KAZN: variants seen among roughly 807,000 people sequenced by gnomAD.
KAZN encodes kazrin, periplakin interacting protein, also known as kazrin.
A neutral mutation model predicts 87.4 loss-of-function variants in KAZN; 40 were observed. The observed-to-expected ratio is 0.46, with a 90% CI of 0.36 to 0.60. The LOEUF (loss-of-function observed/expected upper bound fraction) is 0.60, where lower values mean the gene tolerates loss of function less well. Among genes scored for constraint, KAZN ranks in the 20% least tolerant of loss-of-function variants. The pLI, the probability that KAZN is intolerant of heterozygous loss-of-function variation, is 0.00. For synonymous variants in KAZN, 466 were observed against 458.3 expected, an observed-to-expected ratio of 1.02 and a Z score of -0.22; for missense variants, 898 against 1,073.9, an observed-to-expected ratio of 0.84 and a Z score of 2.29.
chr1:14,666,986 G>A (rs376344880), intron 1 of KAZN, among the ~76,000 whole-genome samples: 63 of 152,192 alleles, frequency 4.1e-4, no homozygotes, highest in African/African-American at 1.4e-3. Context: ...CGCCCACTTC[G>A]GCCTCCCAAC....
chr1:14,929,159 C>T (rs936198116), intron 1 of KAZN, among the ~76,000 whole-genome samples: 1 of 152,254 alleles, frequency 6.6e-6, no homozygotes. Flanking sequence ...CCCTGTGGGG[C>T]CTGATGCTAC....
At chr1:14,047,144 A>G (rs1343373126) in intron 1 of KAZN, among the ~76,000 whole-genome samples, 1 of 152,204 alleles carries the variant, frequency 6.6e-6, no homozygotes, top group African/African-American at 2.4e-5. Context: ...CTCTTTGTTT[A>G]GAAGCGGAAC....
At chr1:14,779,866 T>C (rs1434101141) in intron 1 of KAZN, among the ~76,000 whole-genome samples, 1 of 152,198 alleles carries the variant, frequency 6.6e-6, no homozygotes, top group Non-Finnish European at 1.5e-5. Flanking sequence ...TTGACTCCCG[T>C]TTAAGAAATA....
At chr1:14,363,803 C>T (rs1034408555) in intron 2 of KAZN, among the ~76,000 whole-genome samples, 4 of 152,146 alleles carry the variant, frequency 2.6e-5, no homozygotes, top group Non-Finnish European at 4.4e-5. Context: ...AAGTTTGTTA[C>T]CCCCTGCTCT....
At chr1:14,398,949 C>T (rs1323483241) in intron 2 of KAZN, among the ~76,000 whole-genome samples, 1 of 152,110 alleles carries the variant, frequency 6.6e-6, no homozygotes, top group African/African-American at 2.4e-5. Flanking sequence ...CCTCAACTGC[C>T]ACCGATCCCC....
chr1:14,755,604 G>T (rs1364042063), intron 1 of KAZN, among the ~76,000 whole-genome samples: 2 of 152,158 alleles, frequency 1.3e-5, no homozygotes, highest in Non-Finnish European at 2.9e-5. Flanking sequence ...AAAATGAGAT[G>T]CAGGCTCTGG....
At chr1:15,033,493 A>G (rs1671943971) in intron 2 of KAZN, among the ~76,000 whole-genome samples, 1 of 152,230 alleles carries the variant, frequency 6.6e-6, no homozygotes, top group Admixed American at 6.5e-5. Flanking sequence ...AGGAGCTATC[A>G]GACTTTTCCA....
rs150687913 is a variant in KAZN at position 14,399,564 on chromosome 1, T to C, written c.250-199419T>C. On this transcript the variant is annotated intron_variant, in intron 2 of 16. Coordinates refer to the KAZN transcript ENST00000636203. ...TTAGGACCAATCCCAAGCTTTGAGA[T>C]GGGCTCACGAGTCACCTGGGGGCGT... 7.5e-3 allele frequency among the ~76,000 whole-genome samples: 1,136 copies of C among 152,232 alleles called. 12 individuals are homozygous for C. The highest frequency in any genetic ancestry group is 0.025 in the African/African-American group (1,047 of 41,526).
intron 1 of KAZN, among the ~76,000 whole-genome samples, chr1:14,016,261 C>T (rs1469395745): frequency 1.3e-5 from 2 of 152,186 alleles, no homozygotes; most frequent in African/African-American, 4.8e-5. Context: ...ACACTTTGCA[C>T]ACATTCCGTG....
At chr1:14,910,311 G>C (rs1159216112) in intron 1 of KAZN, among the ~76,000 whole-genome samples, 1 of 152,178 alleles carries the variant, frequency 6.6e-6, no homozygotes, top group Non-Finnish European at 1.5e-5. Flanking sequence ...GATGTGCAGG[G>C]CTGGGCCTTC....
chr1:14,254,656 C>G (rs1571152224), intron 2 of KAZN, among the ~76,000 whole-genome samples: 1 of 152,028 alleles, frequency 6.6e-6, no homozygotes, highest in East Asian at 1.9e-4. Context: ...AGGGGACTTG[C>G]AGGCTAGGTC....
In KAZN at chr1:14,292,371, G is replaced by T. The variant is rs115607858; in HGVS notation, c.249+111779G>T. On this transcript the variant is annotated intron_variant, in intron 2 of 16. Transcript: ENST00000636203. ...GTGGTCCCCTGGAGGGGGGCCTCTG[G>T]AAAAATCGCCCAAATAGCAGAGGCC... is the stretch of plus-strand genomic sequence containing the variant. Among the ~76,000 whole-genome samples, 955 of 152,306 alleles carry T rather than the reference G, an allele frequency of 6.3e-3. 12 individuals carry two copies. Among genetic ancestry groups the T allele is most frequent in the African/African-American group, 0.022 (921 of 41,564 alleles).
At chr1:14,992,570 T>G (rs1667456528) in intron 2 of KAZN, among the ~76,000 whole-genome samples, 2 of 152,200 alleles carry the variant, frequency 1.3e-5, no homozygotes, top group South Asian at 4.1e-4. Flanking sequence ...TGAAAAACAA[T>G]TGGTCTTAGG....
chr1:14,524,311 C>T (rs751555054), intron 2 of KAZN, among the ~76,000 whole-genome samples: 10 of 151,998 alleles, frequency 6.6e-5, no homozygotes, highest in South Asian at 2.1e-4. Flanking sequence ...CATGAGCCAC[C>T]GCACCCAACG....
intron 14 of KAZN, 155 bp from the exon 15 acceptor site, chr1:15,114,316 G>A: frequency 1.5e-6 from 1 of 647,128 alleles, no homozygotes; most frequent in Non-Finnish European, 2.7e-6. Flanking sequence ...CAACCTCCCT[G>A]AGCAGGGAGT....
At chr1:14,443,916 T>A (rs1034873734) in intron 2 of KAZN, among the ~76,000 whole-genome samples, 1 of 151,724 alleles carries the variant, frequency 6.6e-6, no homozygotes, top group African/African-American at 2.4e-5. Context: ...CAAGTTTCAA[T>A]TTTTTTTGTA....
At chr1:14,401,236 C>T (rs1462938342) in intron 2 of KAZN, among the ~76,000 whole-genome samples, 1 of 152,054 alleles carries the variant, frequency 6.6e-6, no homozygotes. Flanking sequence ...GAAAAGATAG[C>T]TTGAACCCAG....
intron 2 of KAZN, among the ~76,000 whole-genome samples, chr1:14,273,648 C>T (rs571238701): frequency 2.0e-5 from 3 of 152,300 alleles, no homozygotes; most frequent in East Asian, 3.9e-4. Context: ...GTGTTCCCCA[C>T]CTCAAAAAGC....
intron 1 of KAZN, among the ~76,000 whole-genome samples, chr1:14,079,898 C>T (rs1209117536): frequency 6.6e-6 from 1 of 150,774 alleles, no homozygotes; most frequent in Non-Finnish European, 1.5e-5. Context: ...TCAGGCCCCA[C>T]CTCCGACACT....
Sources: gnomAD v4.1 joint callset for allele counts (sites outside exome capture counted in the v4.1 genomes callset) on GRCh38, gnomAD v4.1.1 for gene constraint, MANE v1.5 for transcripts, NCBI Gene and HGNC (gene_info 2026-07-23, HGNC 2026-07-21) for gene names.